TMEM19: variants seen among roughly 807,000 people sequenced by gnomAD.
The protein encoded by TMEM19 is transmembrane protein 19.
In TMEM19, 21 loss-of-function variants were observed where a neutral mutation model predicts 33.6. That is an observed-to-expected ratio of 0.62 (90% CI 0.44 to 0.90). TMEM19 has a LOEUF of 0.90. TMEM19 is among the 40% of genes least tolerant of loss of function. The probability of loss-of-function intolerance (pLI) is 0.00; values close to 1 mark genes in which losing one functional copy is unlikely to be tolerated. For missense variants in TMEM19, 402 were observed against 401.8 expected, an observed-to-expected ratio of 1.00 and a Z score of 0.00; for synonymous variants, 149 against 147.5, an observed-to-expected ratio of 1.01 and a Z score of -0.07.
rs947030259 is a variant in TMEM19, at chr12:71,699,333, G to A, written c.847+224G>A. On this transcript the variant is annotated intron_variant, in intron 5 of 5. Coordinates refer to ENST00000266673, the MANE Select transcript of TMEM19 (RefSeq NM_018279.4). ...GCAGCAATGATTAGAAGCCATGTGGGGAAGATACAATAGTGCAGAGAACAG... is the reference window on the plus strand; with the variant it reads ...GCAGCAATGATTAGAAGCCATGTGGAGAAGATACAATAGTGCAGAGAACAG... 21 of 607,794 alleles carry A rather than the reference G, an allele frequency of 3.5e-5. 1 individual carries two copies. The South Asian group carries it at 3.5e-4, about 10-fold the overall frequency. The allele number at this position is 607,794 out of a possible 1,614,324, so 37.7% of individuals were successfully genotyped here. A position where few individuals can be genotyped will look rare whatever the true frequency, so the allele number is the denominator to read the frequency against.
intron 1 of TMEM19, 103 bp from the exon 2 acceptor site, chr12:71,689,488 C>A: frequency 1.2e-6 from 1 of 830,636 alleles, no homozygotes; most frequent in Non-Finnish European, 2.1e-6. Flanking sequence ...GGTGTTTGTA[C>A]TTATGACAGT....
intron 2 of TMEM19, among the ~76,000 whole-genome samples, chr12:71,693,042 A>C (rs965213128): frequency 6.6e-6 from 1 of 151,860 alleles, no homozygotes; most frequent in Non-Finnish European, 1.5e-5. Flanking sequence ...TAAAAATACA[A>C]ATATTAGCCA....
At chr12:71,697,167 AT>A (rs371155174) in intron 3 of TMEM19, 112 bp from the exon 4 acceptor site, 2 of 1,427,186 alleles carry the variant, frequency 1.4e-6, no homozygotes, top group Non-Finnish European at 1.9e-6. Context: ...CTGTTTTTAA[AT>A]TTTTTTGTTG....
chr12:71,690,014 C>A (rs1431416866), intron 2 of TMEM19, among the ~76,000 whole-genome samples: 1 of 152,176 alleles, frequency 6.6e-6, no homozygotes, highest in African/African-American at 2.4e-5. Flanking sequence ...CTGGAGCACT[C>A]CTCCTATATG....
chr12:71,693,834 C>A (rs1881827029), intron 2 of TMEM19, among the ~76,000 whole-genome samples: 1 of 152,078 alleles, frequency 6.6e-6, no homozygotes, highest in South Asian at 2.1e-4. Flanking sequence ...AAGGGGAGTT[C>A]ACCTACACAA....
In TMEM19 at chr12:71,704,106, A is replaced by T. The variant is rs1453399386; in HGVS notation, c.*3111A>T. 11 of 331,152 alleles carry T rather than the reference A, an allele frequency of 3.3e-5. No homozygotes were observed. Among genetic ancestry groups the T allele is most frequent in the Non-Finnish European group, 4.6e-5 (7 of 153,520 alleles). 20.5% of individuals were successfully genotyped at this position (331,152 alleles called of 1,614,324 possible). A position where few individuals can be genotyped will look rare whatever the true frequency, so the allele number is the denominator to read the frequency against. On this transcript the variant is annotated 3_prime_UTR_variant, in exon 6 of 6. Coordinates refer to ENST00000266673, the MANE Select transcript of TMEM19 (RefSeq NM_018279.4). ...ACTGTTCCATGATAGAAGAGAGCAG[A>T]TATATGTGGCTTGGGGCAGCTCCTG...
intron 1 of TMEM19, 74 bp downstream of exon 1, chr12:71,686,884 C>G (rs1317684893): frequency 1.4e-6 from 2 of 1,447,160 alleles, no homozygotes; most frequent in Non-Finnish European, 1.9e-6. Context: ...TTGTGAAATC[C>G]AAAACTCATA....
Position 71,697,061 on chromosome 12 carries a change from G to A in TMEM19, c.383-219G>A, listed in dbSNP as rs112710018. ...AATTTATTTCACAACAATGGGAAAT[G>A]ACAGCAGAATTTTAGAAGCACTAGA... is the stretch of plus-strand genomic sequence containing the variant. On this transcript the variant is annotated intron_variant, in intron 3 of 5. Coordinates refer to ENST00000266673, the MANE Select transcript of TMEM19 (RefSeq NM_018279.4). Among the ~76,000 whole-genome samples, 794 of 152,278 alleles carry A rather than the reference G, an allele frequency of 5.2e-3. 3 individuals carry two copies. The highest frequency in any genetic ancestry group is 0.018 in the African/African-American group (749 of 41,550).
In TMEM19 at chr12:71,698,938, A is replaced by G. The variant is rs200522894; in HGVS notation, c.676A>G (p.Ser226Gly). The G allele has an allele frequency of 6.2e-7, 1 of 1,614,010 alleles. No individual in the cohort carries two copies. Among genetic ancestry groups the G allele is most frequent in the Non-Finnish European group, 8.5e-7 (1 of 1,180,040 alleles). The change falls in exon 5 of 6, where the codon AGT becomes GGT. Residue 226 changes from serine to glycine, a missense_variant. Ser to Gly is a moderately conservative substitution (Grantham distance 56, BLOSUM62 0). Coordinates refer to ENST00000266673, the MANE Select transcript of TMEM19 (RefSeq NM_018279.4). ...AGTTACAGTGGTGGGCCTTGTCTCC[A>G]GTCTCCTTGGTGGTACCTTTGTGGG... is the stretch of plus-strand genomic sequence containing the variant. ...GGVTVVGLVS[S>G]LLGGTFVGIA...
chr12:71,697,261 T>C lies in TMEM19; in HGVS notation c.383-19T>C, dbSNP rs775704299. The C allele has an allele frequency of 6.4e-7, 1 of 1,573,504 alleles. No homozygotes were observed. Among genetic ancestry groups the C allele is most frequent in the Non-Finnish European group, 8.6e-7 (1 of 1,167,076 alleles). ...AAGGAGGAATCATTTGTTTGTCCTT[T>C]TCATCTGTTTGTTTCCAGGTGGGCA... On this transcript the variant is annotated intron_variant, in intron 3 of 5. Transcript: ENST00000266673.
At position 71,693,204 on chromosome 12, in the gene TMEM19, AT is replaced by A. The variant is rs552371756; in HGVS notation, c.245-3223del. Among the ~76,000 whole-genome samples, 154 of 149,970 alleles carry A rather than the reference AT, an allele frequency of 1.0e-3. 3 individuals are homozygous for A. In the South Asian group the frequency reaches 0.014, roughly 14 times the overall value. Reference sequence around the variant, plus strand: ...AGCGAGACCCTGTCCCAAAAAAAAAATTTTTTTTTAGAGGCAGGGTCTCGCT... The same window carrying A: ...AGCGAGACCCTGTCCCAAAAAAAAAATTTTTTTTAGAGGCAGGGTCTCGCT... On this transcript the variant is annotated intron_variant, in intron 2 of 5. Transcript: ENST00000266673.
rs201709262 is a variant in TMEM19, at chr12:71,699,025, T to A, written c.763T>A (p.Trp255Arg). 8.1e-6 allele frequency: 13 copies of A among 1,614,102 alleles called. No individual in the cohort carries two copies. The highest frequency in any genetic ancestry group is 4.5e-5 in the East Asian group (2 of 44,900). Residue 255 changes from tryptophan to arginine, a missense_variant, in exon 5 of 6, where the codon TGG (tryptophan) becomes AGG (arginine). Transcript: ENST00000266673. ...TGATTTAGACATTTCTGCCCCGCAG[T>A]GGCCAATTATTGCATTTGGTGGTTT... is the stretch of plus-strand genomic sequence containing the variant. ...VNDLDISAPQ[W>R]PIIAFGGLAG...
In TMEM19 at chr12:71,688,598, C is replaced by G. The variant is rs181453352; in HGVS notation, c.131-993C>G. 1.4e-3 allele frequency among the ~76,000 whole-genome samples: 215 copies of G among 152,232 alleles called. 2 individuals are homozygous for G. Among genetic ancestry groups the G allele is most frequent in the African/African-American group, 4.9e-3 (205 of 41,542 alleles). ...ACAGTTTTCTTTACCATAAGGAAAT[C>G]ACTTTGCCTTGGCGTTTAGGAGCCT... is the stretch of plus-strand genomic sequence containing the variant. On this transcript the variant is annotated intron_variant, in intron 1 of 5. Transcript: ENST00000266673.
chr12:71,693,228 G>T (rs542963551), intron 2 of TMEM19, among the ~76,000 whole-genome samples: 1 of 151,402 alleles, frequency 6.6e-6, no homozygotes, highest in East Asian at 2.0e-4. Context: ...GCAGGGTCTC[G>T]CTCTATCACC....
chr12:71,694,759 T>C (rs1881842170), intron 2 of TMEM19, among the ~76,000 whole-genome samples: 1 of 152,224 alleles, frequency 6.6e-6, no homozygotes, highest in Non-Finnish European at 1.5e-5. Flanking sequence ...TTTCTACATT[T>C]TGGGCTAGCC....
intron 3 of TMEM19, among the ~76,000 whole-genome samples, chr12:71,697,034 A>G (rs1012954384): frequency 6.6e-5 from 10 of 152,210 alleles, no homozygotes; most frequent in African/African-American, 2.4e-4. Context: ...AATTGAGTTT[A>G]TAATTTATTT....
rs1881965590 is a variant in TMEM19 at position 71,700,873 on chromosome 12, A to G, written c.889A>G (p.Asn297Asp). 6.2e-7 allele frequency: 1 copy of G among 1,612,358 alleles called. No homozygotes were observed. The change falls in exon 6 of 6, where the codon AAT becomes GAT. Residue 297 changes from asparagine (N) to aspartate (D), a missense_variant. Coordinates refer to ENST00000266673, the MANE Select transcript of TMEM19 (RefSeq NM_018279.4). Reference protein sequence around the residue: ...STGMVVNSPTNKARHIAGKPI... With the variant: ...STGMVVNSPTDKARHIAGKPI... Reference sequence around the variant, plus strand: ...TGGCATGGTGGTCAACAGCCCAACAAATAAGGCAAGGCACATAGCAGGGAA... The same window carrying G: ...TGGCATGGTGGTCAACAGCCCAACAGATAAGGCAAGGCACATAGCAGGGAA...
chr12:71,699,343 A>G (rs1881936570), intron 5 of TMEM19: 3 of 602,786 alleles, frequency 5.0e-6, no homozygotes, highest in Admixed American at 3.0e-5. Context: ...GGAAGATACA[A>G]TAGTGCAGAG....
chr12:71,699,140 T>C (rs1881933239), intron 5 of TMEM19, 31 bp downstream of exon 5: 4 of 1,608,040 alleles, frequency 2.5e-6, no homozygotes, highest in East Asian at 2.2e-5. Flanking sequence ...TTGCAACTTA[T>C]TGGTATGTTA....
Sources: allele counts gnomAD v4.1 joint callset (sites outside exome capture counted in the v4.1 genomes callset), GRCh38; gene constraint gnomAD v4.1.1; transcripts MANE v1.5; gene names NCBI Gene and HGNC (gene_info 2026-07-23, HGNC 2026-07-21).